HNMT: variants seen among roughly 807,000 people sequenced by gnomAD.
HNMT encodes histamine N-methyltransferase.
HNMT carries 30 observed loss-of-function variants against 32.1 expected under a neutral mutation model. That is an observed-to-expected ratio of 0.93 (90% CI 0.70 to 1.27). HNMT has a LOEUF of 1.27. Ranked by LOEUF, HNMT falls within the 50% of genes most tolerant of loss-of-function variation. The pLI, the probability that HNMT is intolerant of heterozygous loss-of-function variation, is 0.00. For synonymous variants in HNMT, 125 were observed against 119.0 expected, an observed-to-expected ratio of 1.05 and a Z score of -0.33; for missense variants, 327 against 346.0, an observed-to-expected ratio of 0.95 and a Z score of 0.43.
intron 2 of HNMT, among the ~76,000 whole-genome samples, chr2:137,979,086 G>C (rs1006799958): frequency 2.8e-5 from 4 of 144,374 alleles, no homozygotes; most frequent in African/African-American, 1.0e-4. Context: ...TATGTTTATA[G>C]TATAGTTATA....
intron 1 of HNMT, chr2:137,966,981 C>G: frequency 2.8e-6 from 2 of 718,010 alleles, no homozygotes; most frequent in South Asian, 3.1e-5. Context: ...CTTTTTGAGA[C>G]TTTGTATGTT....
chr2:137,997,796 G>A (rs745475684), intron 2 of HNMT, among the ~76,000 whole-genome samples: 27 of 152,142 alleles, frequency 1.8e-4, no homozygotes, highest in Non-Finnish European at 4.0e-4. Flanking sequence ...GTGATAGACT[G>A]GATAAAGAAA....
At chr2:137,976,282 A>ACC (rs1680287214) in intron 2 of HNMT, among the ~76,000 whole-genome samples, 1 of 1,936 alleles carries the variant, frequency 5.2e-4, no homozygotes, top group Non-Finnish European at 3.1e-3. Context: ...ACAAAAAACA[A>ACC]AAAAAAAAAA....
chr2:138,003,952 AC>A (rs1318857720), intron 4 of HNMT, among the ~76,000 whole-genome samples: 1 of 151,884 alleles, frequency 6.6e-6, no homozygotes, highest in African/African-American at 2.4e-5. Flanking sequence ...CTTTCTTATA[AC>A]AACTCTGTTT....
intron 2 of HNMT, among the ~76,000 whole-genome samples, chr2:137,989,762 G>A (rs920122092): frequency 3.3e-5 from 5 of 152,202 alleles, no homozygotes; most frequent in Non-Finnish European, 5.9e-5. Context: ...AGCATTTGTT[G>A]TCATTAGTGC....
chr2:137,992,819 A>G (rs1680864704), intron 2 of HNMT, among the ~76,000 whole-genome samples: 1 of 152,198 alleles, frequency 6.6e-6, no homozygotes, highest in South Asian at 2.1e-4. Flanking sequence ...CAGAAGTCCC[A>G]GAAGAAGAAG....
intron 2 of HNMT, among the ~76,000 whole-genome samples, chr2:137,980,237 C>T (rs1276076292): frequency 1.3e-5 from 2 of 152,136 alleles, no homozygotes; most frequent in Non-Finnish European, 2.9e-5. Flanking sequence ...CGGGGTTTCA[C>T]TGTGTTAGCC....
chr2:137,967,051 T>C (rs1679979292), intron 1 of HNMT: 3 of 779,778 alleles, frequency 3.8e-6, no homozygotes, highest in Non-Finnish European at 7.2e-6. Context: ...ATACTGAAAA[T>C]GGTTTTGTAT....
chr2:138,002,585 C>T (rs1359959235), intron 4 of HNMT: 2 of 197,786 alleles, frequency 1.0e-5, no homozygotes, highest in Non-Finnish European at 1.8e-5. Flanking sequence ...TTAGTTGAGA[C>T]CACAGGTGTG....
chr2:137,992,029 C>A (rs1432537739), intron 2 of HNMT: 3 of 152,274 alleles, frequency 2.0e-5, no homozygotes, highest in African/African-American at 4.8e-5. Flanking sequence ...CCCCCTCCCC[C>A]CCAGCCAAGG....
intron 2 of HNMT, among the ~76,000 whole-genome samples, chr2:137,995,597 G>A (rs767174381): frequency 6.6e-6 from 1 of 152,128 alleles, no homozygotes; most frequent in Non-Finnish European, 1.5e-5. Context: ...ACAAAGAGGA[G>A]CTGGTACCAT....
chr2:137,967,328 G>C (rs924833074), intron 1 of HNMT: 1 of 519,616 alleles, frequency 1.9e-6, no homozygotes, highest in Non-Finnish European at 3.4e-6. Flanking sequence ...ACTTAAGTCC[G>C]AGAGATCGAG....
intron 2 of HNMT, chr2:137,988,626 G>A (rs1247968561): frequency 6.6e-6 from 1 of 152,118 alleles, no homozygotes; most frequent in Non-Finnish European, 1.5e-5. Context: ...TGTAATCCCA[G>A]CACTTTGGGA....
intron 2 of HNMT, among the ~76,000 whole-genome samples, chr2:137,985,955 C>T (rs554789824): frequency 7.9e-5 from 12 of 151,764 alleles, no homozygotes; most frequent in South Asian, 4.2e-4. Context: ...GGCGACAGAG[C>T]GAGACTCCAT....
rs1023649896 is a variant in HNMT at position 137,964,722 on chromosome 2, C to T, written c.137+94C>T. The T allele has an allele frequency of 3.8e-6, 5 of 1,302,328 alleles. No homozygotes were observed. In the Admixed American group the frequency reaches 5.4e-5, roughly 14 times the overall value. The allele number at this position is 1,302,328 out of a possible 1,614,324, so 80.7% of individuals were successfully genotyped here. Reference sequence around the variant, plus strand: ...CTCGCTCAGCCTCGCAGGCTGGGCACAGGGATAAGGGCGAATTACTGATAG... The same window carrying T: ...CTCGCTCAGCCTCGCAGGCTGGGCATAGGGATAAGGGCGAATTACTGATAG... On this transcript the variant is annotated intron_variant, in intron 1 of 5. Coordinates refer to ENST00000280097, the MANE Select transcript of HNMT (RefSeq NM_006895.3).
intron 5 of HNMT, among the ~76,000 whole-genome samples, chr2:138,008,751 C>T (rs1040658583): frequency 6.6e-6 from 1 of 151,982 alleles, no homozygotes; most frequent in Non-Finnish European, 1.5e-5. Flanking sequence ...AGTCTCCTTC[C>T]TTATACTATA....
intron 2 of HNMT, among the ~76,000 whole-genome samples, chr2:137,974,115 G>A (rs977176291): frequency 1.3e-5 from 2 of 151,902 alleles, no homozygotes; most frequent in African/African-American, 4.8e-5. Context: ...GAACCCAATA[G>A]GAAGAAAGAG....
intron 4 of HNMT, among the ~76,000 whole-genome samples, chr2:138,003,018 G>A (rs1162388858): frequency 1.4e-5 from 2 of 145,780 alleles, no homozygotes; most frequent in Non-Finnish European, 3.0e-5. Flanking sequence ...CTCACTCATA[G>A]GTGGGAATTG....
chr2:137,967,907 TAGAC>T (rs941730249), intron 1 of HNMT, among the ~76,000 whole-genome samples: 4 of 152,168 alleles, frequency 2.6e-5, no homozygotes, highest in African/African-American at 9.7e-5. Context: ...TTTCTTATGT[TAGAC>T]AGCTCCCCAA....
Sources: gnomAD v4.1 joint callset for allele counts (sites outside exome capture counted in the v4.1 genomes callset) on GRCh38, gnomAD v4.1.1 for gene constraint, MANE v1.5 for transcripts, NCBI Gene and HGNC (gene_info 2026-07-23, HGNC 2026-07-21) for gene names.